The following TMEM132D variants were observed in gnomAD, a reference collection of about 807,000 sequenced individuals.
The protein encoded by TMEM132D is mature OL transmembrane protein.
A neutral mutation model predicts 62.3 loss-of-function variants in TMEM132D; 21 were observed. The ratio of observed to expected loss-of-function variants is 0.34; its 90% confidence interval spans 0.24 to 0.49. TMEM132D has a LOEUF of 0.49. Among genes scored for constraint, TMEM132D ranks in the 20% least tolerant of loss-of-function variants. The pLI is 0.99. For missense variants in TMEM132D, 1,346 were observed against 1,402.8 expected (o/e 0.96, Z 0.65); for synonymous variants, 621 against 575.6 (o/e 1.08, Z -1.13).
chr12:129,338,960 G>A (rs1418472000), intron 3 of TMEM132D, among the ~76,000 whole-genome samples: 2 of 152,030 alleles, frequency 1.3e-5, no homozygotes, highest in Non-Finnish European at 2.9e-5. Context: ...GAAGGAGGGC[G>A]AGAGAGACAG....
intron 5 of TMEM132D, among the ~76,000 whole-genome samples, chr12:129,141,959 CTTTA>C (rs1876752868): frequency 6.7e-6 from 1 of 148,596 alleles, no homozygotes; most frequent in Admixed American, 6.7e-5. Flanking sequence ...AACTCTAATA[CTTTA>C]TATATTTATA....
intron 3 of TMEM132D, among the ~76,000 whole-genome samples, chr12:129,477,797 G>A (rs1284515859): frequency 2.6e-5 from 4 of 151,748 alleles, no homozygotes; most frequent in Non-Finnish European, 4.4e-5. Context: ...CTCCAGCCTG[G>A]GCAATAGAGC....
intron 3 of TMEM132D, among the ~76,000 whole-genome samples, chr12:129,488,343 A>G (rs576202819): frequency 2.6e-5 from 4 of 152,266 alleles, no homozygotes; most frequent in African/African-American, 4.8e-5. Flanking sequence ...TTGCATTCCA[A>G]TCACTAAACT....
intron 1 of TMEM132D, among the ~76,000 whole-genome samples, chr12:129,814,226 GAA>G (rs1434292511): frequency 2.2e-4 from 34 of 152,034 alleles, no homozygotes; most frequent in Non-Finnish European, 4.0e-4. Context: ...AAACTGAGGA[GAA>G]AAAAGAATGA....
intron 1 of TMEM132D, among the ~76,000 whole-genome samples, chr12:129,866,546 A>G (rs1221791973): frequency 6.6e-6 from 1 of 152,058 alleles, no homozygotes; most frequent in Non-Finnish European, 1.5e-5. Context: ...TACATATGTA[A>G]CAAACCCGCA....
At chr12:129,665,205 G>A (rs1164644855) in intron 2 of TMEM132D, among the ~76,000 whole-genome samples, 1 of 151,958 alleles carries the variant, frequency 6.6e-6, no homozygotes, top group Non-Finnish European at 1.5e-5. Context: ...GGTGGGGGGG[G>A]CATCTTGGGG....
intron 4 of TMEM132D, chr12:129,212,093 A>C (rs575259431): frequency 1.3e-5 from 2 of 152,368 alleles, no homozygotes; most frequent in East Asian, 3.9e-4. Context: ...TTCTGACATC[A>C]GTCTCAGGGA....
intron 1 of TMEM132D, among the ~76,000 whole-genome samples, chr12:129,755,161 C>T (rs773762430): frequency 4.6e-5 from 7 of 152,190 alleles, no homozygotes; most frequent in Non-Finnish European, 1.0e-4. Flanking sequence ...TAACTTGTAA[C>T]TATGGCTTTT....
intron 1 of TMEM132D, among the ~76,000 whole-genome samples, chr12:129,762,848 C>A (rs1870428410): frequency 6.6e-6 from 1 of 152,164 alleles, no homozygotes; most frequent in Non-Finnish European, 1.5e-5. Context: ...TTTTGTACCA[C>A]CCGTGCAAAC....
intron 1 of TMEM132D, among the ~76,000 whole-genome samples, chr12:129,795,005 G>C (rs1871521481): frequency 6.6e-6 from 1 of 152,082 alleles, no homozygotes; most frequent in African/African-American, 2.4e-5. Flanking sequence ...AGCCTACCCA[G>C]GTTTGTTTGA....
intron 1 of TMEM132D, among the ~76,000 whole-genome samples, chr12:129,785,575 C>T (rs1256628313): frequency 6.6e-6 from 1 of 152,126 alleles, no homozygotes; most frequent in African/African-American, 2.4e-5. Flanking sequence ...TTTTAGAAAC[C>T]ACAGAGTCTG....
intron 3 of TMEM132D, among the ~76,000 whole-genome samples, chr12:129,357,624 G>A (rs907230446): frequency 1.3e-5 from 2 of 152,022 alleles, no homozygotes; most frequent in African/African-American, 4.8e-5. Context: ...AAGAAGTGAA[G>A]TGGCAAGGAG....
At chr12:129,213,423 C>T (rs190097431) in intron 4 of TMEM132D, among the ~76,000 whole-genome samples, 14 of 152,236 alleles carry the variant, frequency 9.2e-5, no homozygotes, top group Non-Finnish European at 2.1e-4. Flanking sequence ...CTGAGCCCAG[C>T]GAGGTCAAGG....
At position 129,622,968 on chromosome 12, in the gene TMEM132D, C is replaced by T. The variant is rs560157067; in HGVS notation, c.968+76842G>A. 2.2e-4 allele frequency among the ~76,000 whole-genome samples: 33 copies of T among 152,160 alleles called. 1 individual carries two copies. Among genetic ancestry groups the T allele is most frequent in the African/African-American group, 7.7e-4 (32 of 41,494 alleles). ...AATTGGGGCTGGAGGTGGCATCTCTCCAGATACGAGGTAATGTAAGTTCAT... is the reference window on the plus strand; with the variant it reads ...AATTGGGGCTGGAGGTGGCATCTCTTCAGATACGAGGTAATGTAAGTTCAT... On this transcript the variant is annotated intron_variant, in intron 2 of 8. Transcript: ENST00000422113.
intron 2 of TMEM132D, among the ~76,000 whole-genome samples, chr12:129,668,154 T>C (rs184137328): frequency 8.0e-5 from 12 of 150,814 alleles, no homozygotes; most frequent in Admixed American, 2.6e-4. Flanking sequence ...CTTTGGACTG[T>C]ATTTGTATAA....
intron 3 of TMEM132D, among the ~76,000 whole-genome samples, chr12:129,519,539 T>A (rs1210593910): frequency 6.6e-6 from 1 of 152,194 alleles, no homozygotes; most frequent in African/African-American, 2.4e-5. Context: ...AAAAACATTA[T>A]TCTGAGGAAA....
At chr12:129,795,960 A>G (rs1003837476) in intron 1 of TMEM132D, among the ~76,000 whole-genome samples, 7 of 152,170 alleles carry the variant, frequency 4.6e-5, no homozygotes, top group African/African-American at 1.7e-4. Flanking sequence ...CCTAAAATTC[A>G]TTAAAATATT....
Position 129,531,121 on chromosome 12 carries a change from A to G in TMEM132D, c.1053T>C (p.Tyr351=). ...TGACAGCTGGTGCATACTTTCCAGT[A>G]TAATCCGTGCGCTCCTTGACATCCC... The part of the protein sequence containing the change: ...SIWDVKERTD[Y]TGKYAPAVIV... The change falls in exon 3 of 9, where the codon TAT becomes TAC. Residue 351 remains tyrosine, a synonymous_variant. Coordinates refer to ENST00000422113, the MANE Select transcript of TMEM132D (RefSeq NM_133448.3). 1 of 1,614,048 alleles carries G rather than the reference A, an allele frequency of 6.2e-7. No individual in the cohort carries two copies. The highest frequency in any genetic ancestry group is 8.5e-7 in the Non-Finnish European group (1 of 1,179,984).
chr12:129,538,950 C>A (rs1474424118), intron 2 of TMEM132D, among the ~76,000 whole-genome samples: 1 of 152,170 alleles, frequency 6.6e-6, no homozygotes, highest in African/African-American at 2.4e-5. Context: ...TGACCCCTGG[C>A]GATAGGTCAG....
Sources: allele counts gnomAD v4.1 joint callset (sites outside exome capture counted in the v4.1 genomes callset), GRCh38; gene constraint gnomAD v4.1.1; transcripts MANE v1.5; gene names NCBI Gene and HGNC (gene_info 2026-07-23, HGNC 2026-07-21).